The following WDR25 variants were observed in gnomAD, a reference collection of about 807,000 sequenced individuals.
The protein encoded by WDR25 is WD repeat domain 25.
WDR25 carries 35 observed loss-of-function variants against 47.7 expected under a neutral mutation model. That is an observed-to-expected ratio of 0.73 (90% CI 0.56 to 0.97). The LOEUF is 0.97. Ranked by LOEUF, WDR25 falls within the 50% of genes least tolerant of loss-of-function variation. The pLI is 0.00. For missense variants in WDR25, 634 were observed against 704.7 expected (o/e 0.90, Z 1.14); for synonymous variants, 248 against 278.9 (o/e 0.89, Z 1.10).
At chr14:100,434,950 G>C (rs984217815) in intron 2 of WDR25, among the ~76,000 whole-genome samples, 1 of 152,176 alleles carries the variant, frequency 6.6e-6, no homozygotes, top group Non-Finnish European at 1.5e-5. Flanking sequence ...GTCCTGAGGG[G>C]TCCCTGATCC....
intron 2 of WDR25, among the ~76,000 whole-genome samples, chr14:100,385,749 G>A (rs1897004618): frequency 6.6e-6 from 1 of 152,136 alleles, no homozygotes; most frequent in Non-Finnish European, 1.5e-5. Flanking sequence ...TCCCAGCACG[G>A]ATACCCTTTT....
At chr14:100,528,550 G>A (rs1476038884) in intron 5 of WDR25, among the ~76,000 whole-genome samples, 4 of 151,596 alleles carry the variant, frequency 2.6e-5, no homozygotes, top group Non-Finnish European at 4.4e-5. Flanking sequence ...GGATACAGGC[G>A]TGAGCCACCA....
At chr14:100,464,908 C>A (rs1489866979) in intron 2 of WDR25, among the ~76,000 whole-genome samples, 4 of 150,574 alleles carry the variant, frequency 2.7e-5, no homozygotes, top group Non-Finnish European at 4.4e-5. Flanking sequence ...TCTCCTCTAC[C>A]CGATCTGCTC....
chr14:100,417,036 C>T (rs1259176500), intron 2 of WDR25, among the ~76,000 whole-genome samples: 1 of 152,222 alleles, frequency 6.6e-6, no homozygotes, highest in Non-Finnish European at 1.5e-5. Context: ...AAACTAGTGA[C>T]TCAACAGAAT....
intron 4 of WDR25, among the ~76,000 whole-genome samples, chr14:100,495,351 G>A (rs899806406): frequency 2.0e-5 from 3 of 152,134 alleles, no homozygotes; most frequent in East Asian, 1.9e-4. Context: ...GTGAGACTCC[G>A]TCTCAAAAAC....
intron 4 of WDR25, among the ~76,000 whole-genome samples, chr14:100,517,043 ACTTCAG>A (rs1399691741): frequency 7.1e-6 from 1 of 140,916 alleles, no homozygotes; most frequent in African/African-American, 2.7e-5. Flanking sequence ...CAGTCCTCCC[ACTTCAG>A]CTTCCCAAGT....
intron 2 of WDR25, among the ~76,000 whole-genome samples, chr14:100,393,607 T>TG (rs1451788576): frequency 3.3e-5 from 5 of 152,070 alleles, no homozygotes; most frequent in African/African-American, 1.2e-4. Flanking sequence ...GGTGTGTCTG[T>TG]GGGGGGAAGA....
chr14:100,453,382 T>C (rs1191172288), intron 2 of WDR25, among the ~76,000 whole-genome samples: 1 of 152,208 alleles, frequency 6.6e-6, no homozygotes, highest in East Asian at 1.9e-4. Context: ...TTCAGTTTCC[T>C]CATCTGTAAA....
chr14:100,461,811 G>T (rs1339842594), intron 2 of WDR25, among the ~76,000 whole-genome samples: 1 of 152,190 alleles, frequency 6.6e-6, no homozygotes, highest in African/African-American at 2.4e-5. Flanking sequence ...AGAGTGAGTA[G>T]GATAGGGCCA....
rs950231041 is a variant in WDR25 at position 100,440,582 on chromosome 14, G to T, written c.823-27439G>T. Among the ~76,000 whole-genome samples the T allele has an allele frequency of 2.0e-5, 3 of 152,242 alleles. No individual in the cohort carries two copies. Among genetic ancestry groups the T allele is most frequent in the Non-Finnish European group, 4.4e-5 (3 of 68,040 alleles). ...GGAGAAAAACACAGGCTCCTGCTTT[G>T]TCCATGTGGAAGGAGCCCAGGCTGC... On this transcript the variant is annotated intron_variant, in intron 2 of 6. Coordinates refer to ENST00000402312, the MANE Select transcript of WDR25 (RefSeq NM_001161476.3). This position sits in a 1 kb window ranked among gnomAD's most constrained non-coding sequence, Gnocchi z 4.4.
At chr14:100,377,606 G>A (rs569372137) in intron 1 of WDR25, among the ~76,000 whole-genome samples, 1 of 151,546 alleles carries the variant, frequency 6.6e-6, no homozygotes, top group Non-Finnish European at 1.5e-5. Flanking sequence ...CACCGCGCCC[G>A]GTCGTTTTAT....
At chr14:100,479,430 A>G (rs201119296) in intron 3 of WDR25, among the ~76,000 whole-genome samples, 2 of 146,372 alleles carry the variant, frequency 1.4e-5, no homozygotes, top group East Asian at 4.0e-4. Context: ...TTTTTTTTTT[A>G]GGAATACCAG....
At chr14:100,482,460 G>C (rs2140317447) in intron 3 of WDR25, among the ~76,000 whole-genome samples, 2 of 152,216 alleles carry the variant, frequency 1.3e-5, no homozygotes, top group Admixed American at 1.3e-4. Flanking sequence ...ATAATATGTT[G>C]GTACAGAGGC....
At chr14:100,390,916 CA>C (rs1897130238) in intron 2 of WDR25, among the ~76,000 whole-genome samples, 1 of 152,216 alleles carries the variant, frequency 6.6e-6, no homozygotes, top group South Asian at 2.1e-4. Flanking sequence ...CATTTACGTA[CA>C]GCTCTTTTAG....
chr14:100,421,313 A>G (rs889895282), intron 2 of WDR25, among the ~76,000 whole-genome samples: 3 of 152,130 alleles, frequency 2.0e-5, no homozygotes, highest in Non-Finnish European at 2.9e-5. Context: ...TCCTGGGCTT[A>G]TTGGTCCCCC....
At chr14:100,381,932 A>T (rs1896912454) in intron 2 of WDR25, 186 bp downstream of exon 2, 2 of 633,742 alleles carry the variant, frequency 3.2e-6, no homozygotes, top group Non-Finnish European at 5.6e-6. Context: ...TTCTGCCCCA[A>T]CCCTTCCCTG....
Position 100,381,577 on chromosome 14 carries a change from C to CT in WDR25, c.654dup (p.Glu219Ter), listed in dbSNP as rs771604204. The CT allele has an allele frequency of 6.2e-6, 10 of 1,609,892 alleles. No homozygotes were observed. The African/African-American group carries it at 1.3e-4, about 22-fold the overall frequency. ...CCTCTCTACGTGGGCCCGGGAGTGT[C>CT]TGAGTTTATTCAGCCATATTTGAAT... On this transcript the variant is annotated frameshift_variant, in exon 2 of 7. Transcript: ENST00000402312. LOFTEE classifies it high-confidence loss of function.
chr14:100,464,751 AT>A (rs1899554827), intron 2 of WDR25, among the ~76,000 whole-genome samples: 3 of 9,298 alleles, frequency 3.2e-4, no homozygotes, highest in African/African-American at 9.1e-4. Context: ...ATCTCATCTC[AT>A]CTCATCTCAT....
At chr14:100,384,895 C>T (rs779397947) in intron 2 of WDR25, among the ~76,000 whole-genome samples, 23 of 152,160 alleles carry the variant, frequency 1.5e-4, no homozygotes, top group Admixed American at 5.9e-4. Context: ...CCCTTGGTTG[C>T]GTGGTCTCTG....
Sources: allele counts gnomAD v4.1 joint callset (sites outside exome capture counted in the v4.1 genomes callset), GRCh38; gene constraint gnomAD v4.1.1; non-coding constraint Gnocchi (gnomAD v3.1); transcripts MANE v1.5; gene names NCBI Gene and HGNC (gene_info 2026-07-23, HGNC 2026-07-21).